The following SKAP2 variants were observed in gnomAD, a reference collection of about 807,000 sequenced individuals.
SKAP2 encodes src kinase associated phosphoprotein 2.
In SKAP2, 28 loss-of-function variants were observed where a neutral mutation model predicts 54.9. The observed-to-expected ratio is 0.51, with a 90% CI of 0.38 to 0.70. The LOEUF (loss-of-function observed/expected upper bound fraction) is 0.70, where lower values mean the gene tolerates loss of function less well. SKAP2 is among the 30% of genes least tolerant of loss of function. The pLI is 0.00. For synonymous variants in SKAP2, 137 were observed against 134.3 expected (o/e 1.02, Z -0.14); for missense variants, 356 against 424.1 (o/e 0.84, Z 1.41).
intron 4 of SKAP2, among the ~76,000 whole-genome samples, chr7:26,821,281 G>C (rs140852095): frequency 7.5e-4 from 114 of 151,742 alleles, no homozygotes; most frequent in African/African-American, 2.6e-3. Flanking sequence ...CAAAGAGGGA[G>C]GAAAAAAAGC....
chr7:26,774,428 G>A (rs1783257313), intron 4 of SKAP2, among the ~76,000 whole-genome samples: 1 of 151,716 alleles, frequency 6.6e-6, no homozygotes. Context: ...CAGAAAGGAG[G>A]GAAAAAATGA....
intron 9 of SKAP2, among the ~76,000 whole-genome samples, chr7:26,694,381 C>A (rs1562578011): frequency 6.6e-6 from 1 of 152,116 alleles, no homozygotes; most frequent in South Asian, 2.1e-4. Context: ...TATTTACATG[C>A]CTCTCAGCTG....
chr7:26,733,825 T>C (rs992668888), intron 6 of SKAP2, among the ~76,000 whole-genome samples: 4 of 152,262 alleles, frequency 2.6e-5, no homozygotes, highest in Non-Finnish European at 5.9e-5. Flanking sequence ...TTGAATGACT[T>C]TGTAGATCAG....
intron 4 of SKAP2, among the ~76,000 whole-genome samples, chr7:26,801,022 G>A (rs918908082): frequency 6.6e-5 from 10 of 151,402 alleles, no homozygotes; most frequent in African/African-American, 2.4e-4. Flanking sequence ...ATACCAAAAC[G>A]AGAAAAAGAC....
chr7:26,662,393 A>T (rs1162177319), downstream of SKAP2, among the ~76,000 whole-genome samples: 1 of 152,124 alleles, frequency 6.6e-6, no homozygotes. Flanking sequence ...TAAGGTTCAG[A>T]TATCACAAAA....
At chr7:26,740,331 A>G (rs1432309429) in intron 4 of SKAP2, among the ~76,000 whole-genome samples, 1 of 152,170 alleles carries the variant, frequency 6.6e-6, no homozygotes, top group Non-Finnish European at 1.5e-5. Flanking sequence ...AAAAATTTCA[A>G]TACATATTGA....
intron 4 of SKAP2, among the ~76,000 whole-genome samples, chr7:26,815,426 C>G (rs1297976343): frequency 6.6e-6 from 1 of 151,970 alleles, no homozygotes; most frequent in Non-Finnish European, 1.5e-5. Context: ...TCCTGCCATG[C>G]TATCATAAAT....
At chr7:26,705,600 C>G (rs1787139628) in intron 9 of SKAP2, among the ~76,000 whole-genome samples, 1 of 152,130 alleles carries the variant, frequency 6.6e-6, no homozygotes, top group Admixed American at 6.5e-5. Flanking sequence ...ACAACTTTAT[C>G]ATATGACCCT....
chr7:26,658,602 C>T, the SKAP2 span, among the ~76,000 whole-genome samples: 1 of 151,958 alleles, frequency 6.6e-6, no homozygotes, highest in Non-Finnish European at 1.5e-5. Context: ...ATGGTGAAAA[C>T]ACATTTATCC....
rs111334735 is a variant in SKAP2 at position 26,849,623 on chromosome 7, T to C, written c.199+4514A>G. On this transcript the variant is annotated intron_variant, in intron 3 of 12. Coordinates refer to ENST00000345317, the MANE Select transcript of SKAP2 (RefSeq NM_003930.5). ...TCGCTTGAACCCAGGAGGTAGAGGT[T>C]GTAGTGAGCAGAGACCACGCCACTG... Among the ~76,000 whole-genome samples the C allele has an allele frequency of 4.9e-4, 73 of 149,984 alleles. 1 individual carries two copies. The highest frequency in any genetic ancestry group is 1.8e-3 in the African/African-American group (72 of 40,710).
chr7:26,694,759 C>G (rs1309684716), intron 9 of SKAP2, among the ~76,000 whole-genome samples: 1 of 151,664 alleles, frequency 6.6e-6, no homozygotes, highest in Admixed American at 6.6e-5. Context: ...TAGTTTGAGT[C>G]TTCCCAAATC....
At chr7:26,748,896 C>T (rs1317943170) in intron 4 of SKAP2, among the ~76,000 whole-genome samples, 1 of 152,104 alleles carries the variant, frequency 6.6e-6, no homozygotes, top group Admixed American at 6.6e-5. Context: ...TAGCTACCAG[C>T]TCTGTGACTT....
intron 3 of SKAP2, among the ~76,000 whole-genome samples, chr7:26,850,735 C>T (rs1405737559): frequency 6.6e-6 from 1 of 152,052 alleles, no homozygotes; most frequent in African/African-American, 2.4e-5. Flanking sequence ...CTAGACTAAG[C>T]AAGAAGTGTT....
intron 9 of SKAP2, among the ~76,000 whole-genome samples, chr7:26,724,657 A>G (rs995741220): frequency 6.6e-6 from 1 of 152,076 alleles, no homozygotes; most frequent in African/African-American, 2.4e-5. Context: ...TTCTCTAACT[A>G]CTGATTTTTT....
chr7:26,853,827 C>T (rs139722622), intron 3 of SKAP2, among the ~76,000 whole-genome samples: 2,739 of 152,266 alleles, frequency 0.018, 34 homozygotes, highest in Non-Finnish European at 0.028. Flanking sequence ...AGTTATTCCA[C>T]GTGTAATTGC....
At chr7:26,843,889 C>T (rs1475600115) in intron 4 of SKAP2, 141 bp downstream of exon 4, 1 of 537,852 alleles carries the variant, frequency 1.9e-6, no homozygotes, top group African/African-American at 1.9e-5. Context: ...CTAGAGAGAG[C>T]TCTTCTGTTC....
At chr7:26,758,250 T>C (rs762857891) in intron 4 of SKAP2, among the ~76,000 whole-genome samples, 10 of 151,098 alleles carry the variant, frequency 6.6e-5, no homozygotes, top group African/African-American at 1.2e-4. Context: ...TATAAGCATG[T>C]ACTATACATT....
At chr7:26,841,932 G>A (rs1420540533) in intron 4 of SKAP2, among the ~76,000 whole-genome samples, 1 of 151,832 alleles carries the variant, frequency 6.6e-6, no homozygotes, top group Non-Finnish European at 1.5e-5. Flanking sequence ...ATTGTTAAAT[G>A]CATTATCTTT....
intron 9 of SKAP2, among the ~76,000 whole-genome samples, chr7:26,704,715 T>C (rs1787120338): frequency 6.6e-6 from 1 of 152,186 alleles, no homozygotes; most frequent in African/African-American, 2.4e-5. Flanking sequence ...AGGTAGAACC[T>C]GCAGGGGGAA....
Sources: allele counts gnomAD v4.1 joint callset (sites outside exome capture counted in the v4.1 genomes callset), GRCh38; gene constraint gnomAD v4.1.1; transcripts MANE v1.5; gene names NCBI Gene and HGNC (gene_info 2026-07-23, HGNC 2026-07-21).